MYH11: variants seen among roughly 807,000 people sequenced by gnomAD.
MYH11 encodes myosin-11.
MYH11 carries 80 observed loss-of-function variants against 246.6 expected under a neutral mutation model. The observed-to-expected ratio is 0.32, with a 90% CI of 0.27 to 0.39. The LOEUF is 0.39. Among genes scored for constraint, MYH11 ranks in the 10% least tolerant of loss-of-function variants. The pLI is 1.00. For synonymous variants in MYH11, 1,071 were observed against 1,015.5 expected, an observed-to-expected ratio of 1.05 and a Z score of -1.04; for missense variants, 2,158 against 2,546.8, an observed-to-expected ratio of 0.85 and a Z score of 3.29.
intron 27 of MYH11, among the ~76,000 whole-genome samples, chr16:15,732,102 C>G (rs554335002): frequency 1.3e-5 from 2 of 152,094 alleles, no homozygotes; most frequent in Non-Finnish European, 2.9e-5. Flanking sequence ...GCTGGGATTA[C>G]AGGCATGCAC....
chr16:15,835,119 A>G (rs2043858537), intron 2 of MYH11, among the ~76,000 whole-genome samples: 1 of 151,016 alleles, frequency 6.6e-6, no homozygotes, highest in Non-Finnish European at 1.5e-5. Flanking sequence ...TAAGTTGCTC[A>G]CTCTTACCAT....
chr16:15,718,038 C>T, intron 37 of MYH11: 1 of 539,952 alleles, frequency 1.9e-6, no homozygotes, highest in Non-Finnish European at 3.3e-6. Context: ...AAGAGCATCC[C>T]AAGGCCCGGA....
intron 23 of MYH11, among the ~76,000 whole-genome samples, chr16:15,739,246 C>T (rs925975478): frequency 4.0e-5 from 6 of 151,896 alleles, no homozygotes; most frequent in African/African-American, 1.5e-4. Context: ...ACTACAGGCG[C>T]CCGCCAACAC....
chr16:15,710,686 T>C (rs1400937349), intron 40 of MYH11, among the ~76,000 whole-genome samples: 1 of 151,306 alleles, frequency 6.6e-6, no homozygotes. Context: ...TTTTTGTTTT[T>C]TGTTTTTTTT....
intron 26 of MYH11, 91 bp from the exon 27 acceptor site, chr16:15,732,799 C>T: frequency 6.8e-7 from 1 of 1,476,702 alleles, no homozygotes; most frequent in South Asian, 1.2e-5. Context: ...TTCCAGGACC[C>T]AGAGCTGCAG....
At chr16:15,714,424 G>A (rs1398908241) in intron 40 of MYH11, 1 of 192,048 alleles carries the variant, frequency 5.2e-6, no homozygotes, top group Non-Finnish European at 1.1e-5. Flanking sequence ...TACTTTTCAG[G>A]GATCTTTTTC....
At chr16:15,844,572 A>G (rs1160991192) in intron 1 of MYH11, among the ~76,000 whole-genome samples, 6 of 152,216 alleles carry the variant, frequency 3.9e-5, no homozygotes, top group African/African-American at 1.2e-4. Flanking sequence ...TAATTGAAAG[A>G]AAAGAGGCTG....
At chr16:15,833,473 C>T (rs1289820329) in intron 2 of MYH11, among the ~76,000 whole-genome samples, 2 of 151,890 alleles carry the variant, frequency 1.3e-5, no homozygotes, top group Admixed American at 6.6e-5. Context: ...ATTCAGAAGA[C>T]CAAGGGACCC....
At chr16:15,764,197 A>G (rs2041931356) in intron 9 of MYH11, among the ~76,000 whole-genome samples, 1 of 152,192 alleles carries the variant, frequency 6.6e-6, no homozygotes, top group South Asian at 2.1e-4. Context: ...AACTATTTGC[A>G]TGCTACACTG....
At chr16:15,798,635 C>CAAA in intron 4 of MYH11, 25 bp downstream of exon 4, 8 of 1,111,306 alleles carry the variant, frequency 7.2e-6, no homozygotes, top group African/African-American at 4.6e-5. Flanking sequence ...AAAAAAAAAA[C>CAAA]AGAAGAAAAA....
In MYH11 at chr16:15,703,511, C is replaced by T. The variant is rs2039294873; in HGVS notation, c.*480G>A. On this transcript the variant is annotated 3_prime_UTR_variant, in exon 41 of 41. Coordinates refer to ENST00000300036, the MANE Select transcript of MYH11 (RefSeq NM_002474.3). ...CCATTGATAGAACTGGAGGATGTGT[C>T]TGTGTTTCCTGTTGGGTTTTTCTCA... The T allele has an allele frequency of 3.4e-6, 1 of 290,266 alleles. No homozygotes were observed. Among genetic ancestry groups the T allele is most frequent in the Admixed American group, 4.6e-5 (1 of 21,506 alleles). 18.0% of individuals were successfully genotyped at this position (290,266 alleles called of 1,614,324 possible).
chr16:15,718,537 C>G, intron 36 of MYH11, 99 bp from the exon 37 acceptor site: 1 of 1,464,704 alleles, frequency 6.8e-7, no homozygotes. Context: ...CCCTCATCAT[C>G]TAATGGGTGA....
Position 15,732,715 on chromosome 16 carries a change from G to A in MYH11, c.3507-7C>T. 6.2e-7 allele frequency: 1 copy of A among 1,614,172 alleles called. No homozygotes were observed. Among genetic ancestry groups the A allele is most frequent in the South Asian group, 1.1e-5 (1 of 91,088 alleles). The stretch of plus-strand genomic sequence containing the variant: ...CTCCTGCTCCCTCTTGGCCCTTGGT[G>A]GGAGGAACACAGTGAATGGCAGTTG... On this transcript the variant is annotated splice_polypyrimidine_tract_variant and splice_region_variant and intron_variant, in intron 26 of 40. Transcript: ENST00000300036.
chr16:15,718,795 C>A, intron 36 of MYH11: 2 of 425,242 alleles, frequency 4.7e-6, no homozygotes, highest in South Asian at 4.7e-5. Flanking sequence ...TGGGTCTGTC[C>A]CCAATCTCAG....
chr16:15,756,879 A>T (rs1322255145), intron 13 of MYH11, among the ~76,000 whole-genome samples: 1 of 148,254 alleles, frequency 6.7e-6, no homozygotes, highest in Non-Finnish European at 1.5e-5. Flanking sequence ...ACTCACTGCA[A>T]GCTCCGCTTC....
intron 6 of MYH11, among the ~76,000 whole-genome samples, chr16:15,781,702 A>C (rs554873702): frequency 1.2e-4 from 19 of 152,338 alleles, no homozygotes; most frequent in Admixed American, 1.2e-3. Context: ...ATGGGAAGGT[A>C]GTACCCCCTG....
At chr16:15,722,871 G>A (rs926930906) in intron 31 of MYH11, among the ~76,000 whole-genome samples, 3 of 152,206 alleles carry the variant, frequency 2.0e-5, no homozygotes, top group African/African-American at 4.8e-5. Flanking sequence ...AGCTTCCAGA[G>A]TAGCAGGGAT....
At chr16:15,719,035 G>A (rs2040322753) in intron 36 of MYH11, 185 bp downstream of exon 36, 4 of 656,836 alleles carry the variant, frequency 6.1e-6, no homozygotes, top group African/African-American at 5.3e-5. Flanking sequence ...GGCTGAGGCA[G>A]GAGAATTGCT....
intron 3 of MYH11, among the ~76,000 whole-genome samples, chr16:15,802,111 A>G (rs1305827371): frequency 6.6e-6 from 1 of 152,196 alleles, no homozygotes; most frequent in Non-Finnish European, 1.5e-5. Context: ...CCCACCAAAA[A>G]TGGTCAATAG....
Sources: gnomAD v4.1 joint callset for allele counts (sites outside exome capture counted in the v4.1 genomes callset) on GRCh38, gnomAD v4.1.1 for gene constraint, MANE v1.5 for transcripts, NCBI Gene and HGNC (gene_info 2026-07-23, HGNC 2026-07-21) for gene names.